CDK17: variants seen among roughly 807,000 people sequenced by gnomAD.
CDK17 encodes cyclin-dependent kinase 17.
CDK17 carries 24 observed loss-of-function variants against 77.6 expected under a neutral mutation model. The observed-to-expected ratio is 0.31, with a 90% confidence interval of 0.22 to 0.44. The LOEUF (loss-of-function observed/expected upper bound fraction) is 0.44, where lower values mean the gene tolerates loss of function less well. Ranked by LOEUF, CDK17 falls within the 20% of genes least tolerant of loss-of-function variation. The pLI, the probability that CDK17 is intolerant of heterozygous loss-of-function variation, is 1.00. For synonymous variants in CDK17, 203 were observed against 210.4 expected (o/e 0.96, Z 0.30); for missense variants, 429 against 622.5 (o/e 0.69, Z 3.31).
chr12:96,294,962 C>A (rs779178306), intron 10 of CDK17, 37 bp downstream of exon 10: 40 of 1,553,394 alleles, frequency 2.6e-5, no homozygotes, highest in Admixed American at 1.5e-4. Context: ...CACTTTAGAA[C>A]CTGGAAGTAC....
chr12:96,363,449 CAAAAAAAAA>C (rs34143645), intron 1 of CDK17, among the ~76,000 whole-genome samples: 1 of 110,824 alleles, frequency 9.0e-6, no homozygotes, highest in African/African-American at 3.5e-5. Context: ...GACTTCGTCT[CAAAAAAAAA>C]AAAAAAAAAA....
At chr12:96,284,434 C>T (rs1327933224) in intron 13 of CDK17, 4 of 137,820 alleles carry the variant, frequency 2.9e-5, no homozygotes, top group Admixed American at 7.7e-5. Context: ...GCAGTCTGGC[C>T]TGGGCGGAAG....
chr12:96,305,139 T>G (rs1045734998), intron 5 of CDK17, among the ~76,000 whole-genome samples: 1 of 152,214 alleles, frequency 6.6e-6, no homozygotes, highest in East Asian at 1.9e-4. Flanking sequence ...TTTGCCACTA[T>G]TCTAATATTT....
intron 1 of CDK17, among the ~76,000 whole-genome samples, chr12:96,358,841 C>T (rs1296031611): frequency 2.4e-5 from 1 of 40,958 alleles, no homozygotes; most frequent in African/African-American, 1.7e-4. Context: ...CCCGCCCCCA[C>T]CCCACCCCAC....
intron 10 of CDK17, among the ~76,000 whole-genome samples, chr12:96,291,122 CAAAAA>C (rs34053593): frequency 9.1e-5 from 12 of 131,714 alleles, no homozygotes; most frequent in Non-Finnish European, 9.5e-5. Context: ...ACTATGCAAC[CAAAAA>C]AAAAAAAAAA....
intron 1 of CDK17, among the ~76,000 whole-genome samples, chr12:96,385,145 C>G (rs1453279624): frequency 6.6e-6 from 1 of 151,830 alleles, no homozygotes; most frequent in Admixed American, 6.6e-5. Context: ...AACCCCGTCT[C>G]TACTAAAAAT....
chr12:96,386,056 G>A (rs1953968287), intron 1 of CDK17, among the ~76,000 whole-genome samples: 1 of 152,224 alleles, frequency 6.6e-6, no homozygotes, highest in Non-Finnish European at 1.5e-5. Flanking sequence ...CTCTAACTCT[G>A]TCACGCTGGC....
chr12:96,360,759 G>C (rs1286482526), intron 1 of CDK17, among the ~76,000 whole-genome samples: 1 of 152,174 alleles, frequency 6.6e-6, no homozygotes, highest in African/African-American at 2.4e-5. Flanking sequence ...CAAGAACAGG[G>C]AAAGGCTCTG....
intron 2 of CDK17, among the ~76,000 whole-genome samples, chr12:96,324,519 C>A (rs1250057934): frequency 1.3e-5 from 2 of 152,104 alleles, no homozygotes; most frequent in African/African-American, 4.8e-5. Context: ...GTAATCCCAG[C>A]ACTTTGGGAG....
chr12:96,321,973 T>C (rs1388187603), intron 3 of CDK17, among the ~76,000 whole-genome samples: 1 of 151,570 alleles, frequency 6.6e-6, no homozygotes, highest in East Asian at 1.9e-4. Flanking sequence ...AAAAAAAAAT[T>C]CACACTTAAA....
At chr12:96,308,114 G>A (rs535666353) in intron 5 of CDK17, among the ~76,000 whole-genome samples, 3 of 150,932 alleles carry the variant, frequency 2.0e-5, no homozygotes, top group South Asian at 4.2e-4. Flanking sequence ...ACAGGGGCCA[G>A]ATGCTATGGG....
chr12:96,293,887 C>CTT (rs949441130), intron 10 of CDK17, among the ~76,000 whole-genome samples: 2 of 152,228 alleles, frequency 1.3e-5, no homozygotes, highest in African/African-American at 4.8e-5. Flanking sequence ...TTTCCAAACT[C>CTT]TAATTTTTGC....
chr12:96,319,202 A>C (rs1314301517), intron 3 of CDK17, among the ~76,000 whole-genome samples: 8 of 152,036 alleles, frequency 5.3e-5, no homozygotes, highest in African/African-American at 1.7e-4. Flanking sequence ...AATCTAGAAG[A>C]AATGGATACA....
intron 1 of CDK17, among the ~76,000 whole-genome samples, chr12:96,380,571 G>C (rs1739151884): frequency 6.6e-6 from 1 of 152,176 alleles, no homozygotes; most frequent in African/African-American, 2.4e-5. Context: ...TTACAGGCGT[G>C]AGACACTGTG....
intron 1 of CDK17, among the ~76,000 whole-genome samples, chr12:96,382,825 C>CA (rs1466374751): frequency 1.3e-5 from 2 of 151,962 alleles, no homozygotes; most frequent in Non-Finnish European, 2.9e-5. Flanking sequence ...CATGAATGGG[C>CA]AAAAGTTGCA....
At chr12:96,312,262 G>C (rs1028828030) in intron 4 of CDK17, among the ~76,000 whole-genome samples, 1 of 152,106 alleles carries the variant, frequency 6.6e-6, no homozygotes, top group African/African-American at 2.4e-5. Context: ...GGGTGACAGA[G>C]TGAGGCCCTG....
At position 96,308,731 on chromosome 12, in the gene CDK17, A is replaced by AAATAATAATAATAATAATAAT. The variant is rs34304107; in HGVS notation, c.543+2300_543+2320dup. Among the ~76,000 whole-genome samples the AAATAATAATAATAATAATAAT allele has an allele frequency of 9.2e-3, 1,216 of 132,540 alleles. 11 individuals carry two copies. Among genetic ancestry groups the AAATAATAATAATAATAATAAT allele is most frequent in the Middle Eastern group, 0.015 (4 of 262 alleles). 87.0% of individuals were successfully genotyped at this position (132,540 alleles called of 152,430 possible). ...TGACAGAGCAGGACTCCGTCTCCAA[A>AAATAATAATAATAATAATAAT]AATAATAATAATAATAATAATAATA... is the stretch of plus-strand genomic sequence containing the variant. On this transcript the variant is annotated intron_variant, in intron 5 of 16. Transcript: ENST00000261211.
chr12:96,307,866 C>G (rs1054919395), intron 5 of CDK17, among the ~76,000 whole-genome samples: 1 of 151,514 alleles, frequency 6.6e-6, no homozygotes, highest in Non-Finnish European at 1.5e-5. Flanking sequence ...GACACTCTGT[C>G]TCACACACAC....
At position 96,311,065 on chromosome 12, in the gene CDK17, C is replaced by T. The variant is rs749444384; in HGVS notation, c.530G>A (p.Arg177His). The stretch of plus-strand genomic sequence containing the variant: ...CCAAAAACTTACTAAGGAAGCTCTA[C>T]GAGACCTTCGACTCATTGGTTGGTC... ...PFDQPMSRRS[R>H]RASLSEIGFG... Residue 177 changes from arginine (R) to histidine (H), a missense_variant, in exon 5 of 17, where the codon CGT becomes CAT. This residue lies in a region of CDK17 where 262 missense variants were observed against 385.4 expected (regional missense o/e 0.68). Transcript: ENST00000261211. 1.7e-5 allele frequency: 27 copies of T among 1,598,252 alleles called. No homozygotes were observed. The highest frequency in any genetic ancestry group is 5.4e-5 in the Admixed American group (3 of 55,958).
Sources: allele counts gnomAD v4.1 joint callset (sites outside exome capture counted in the v4.1 genomes callset), GRCh38; gene constraint gnomAD v4.1.1; regional missense constraint gnomAD v4.1.1; transcripts MANE v1.5; gene names NCBI Gene and HGNC (gene_info 2026-07-23, HGNC 2026-07-21).